The following HERC4 variants were observed in gnomAD, a reference collection of about 807,000 sequenced individuals.
The protein encoded by HERC4 is HECT and RLD domain containing E3 ubiquitin protein ligase 4.
A neutral mutation model predicts 124.3 loss-of-function variants in HERC4; 28 were observed. That is an observed-to-expected ratio of 0.23 (90% CI 0.17 to 0.31). HERC4 has a LOEUF of 0.31. Among genes scored for constraint, HERC4 ranks in the 10% least tolerant of loss-of-function variants. The pLI is 1.00. For synonymous variants in HERC4, 407 were observed against 421.5 expected (o/e 0.97, Z 0.42); for missense variants, 713 against 1,229.3 (o/e 0.58, Z 6.28).
rs188822704 is a variant in HERC4, at chr10:68,017,073, G to A, written c.909-2887C>T. On this transcript the variant is annotated intron_variant, in intron 8 of 24. Transcript: ENST00000373700. Reference sequence around the variant, plus strand: ...TATATTCCCCATACCTTAACTTTAGGTTTGGCCATATAGTTTGCTTTTGGT... The same window carrying A: ...TATATTCCCCATACCTTAACTTTAGATTTGGCCATATAGTTTGCTTTTGGT... Among the ~76,000 whole-genome samples the A allele has an allele frequency of 3.6e-4, 54 of 152,060 alleles. 1 individual carries two copies. The highest frequency in any genetic ancestry group is 1.3e-3 in the African/African-American group (53 of 41,470).
intron 19 of HERC4, among the ~76,000 whole-genome samples, chr10:67,941,429 C>T (rs1365972637): frequency 1.3e-5 from 2 of 151,936 alleles, no homozygotes. Context: ...ATTACTATAA[C>T]TTTTTTTCTG....
rs2030408840 is a variant in HERC4, at chr10:67,923,147, G to C, written c.2942-8C>G. ...CACTACCTGTCAAAAATACTGCCAAGAAAGAAATCATTCAGTCAACCACTT... is the reference window on the plus strand; with the variant it reads ...CACTACCTGTCAAAAATACTGCCAACAAAGAAATCATTCAGTCAACCACTT... On this transcript the variant is annotated splice_polypyrimidine_tract_variant and splice_region_variant and intron_variant, in intron 24 of 24. Coordinates refer to ENST00000373700, the MANE Select transcript of HERC4 (RefSeq NM_015601.4). 6.2e-7 allele frequency: 1 copy of C among 1,606,838 alleles called. No individual in the cohort carries two copies.
At chr10:68,056,364 C>G (rs1259208668) in intron 3 of HERC4, among the ~76,000 whole-genome samples, 1 of 152,164 alleles carries the variant, frequency 6.6e-6, no homozygotes, top group Non-Finnish European at 1.5e-5. Context: ...TTCAACAACC[C>G]TGCCCTGAGT....
chr10:67,959,073 T>A, intron 16 of HERC4: 8 of 1,553,962 alleles, frequency 5.1e-6, no homozygotes, highest in Non-Finnish European at 7.0e-6. Flanking sequence ...AAATGGAGTA[T>A]ATTTTACTCT....
chr10:67,997,020 T>G (rs1160955435), intron 9 of HERC4, among the ~76,000 whole-genome samples: 3 of 151,834 alleles, frequency 2.0e-5, no homozygotes, highest in Non-Finnish European at 4.4e-5. Context: ...AAAATCATTA[T>G]GACTTCAAGA....
chr10:68,074,227 A>C (rs1024460036), intron 1 of HERC4: 1 of 152,232 alleles, frequency 6.6e-6, no homozygotes, highest in Non-Finnish European at 1.5e-5. Flanking sequence ...ACATCGCGTT[A>C]CTAAATATCA....
intron 9 of HERC4, among the ~76,000 whole-genome samples, chr10:68,007,159 CTT>C (rs1017147894): frequency 4.6e-5 from 7 of 152,012 alleles, no homozygotes; most frequent in Admixed American, 2.0e-4. Context: ...GTATTTCACT[CTT>C]TTTTCTTTTG....
At chr10:68,000,901 G>T (rs1023597143) in intron 9 of HERC4, among the ~76,000 whole-genome samples, 1 of 152,200 alleles carries the variant, frequency 6.6e-6, no homozygotes, top group South Asian at 2.1e-4. Flanking sequence ...GCAGAATAGT[G>T]AGCCAATAAA....
intron 3 of HERC4, among the ~76,000 whole-genome samples, chr10:68,049,277 T>C (rs2040166249): frequency 6.6e-6 from 1 of 151,968 alleles, no homozygotes; most frequent in Admixed American, 6.6e-5. Context: ...AAAAATAAGA[T>C]GTGGAATAGT....
chr10:68,055,289 A>G (rs2040496000), intron 3 of HERC4, among the ~76,000 whole-genome samples: 1 of 152,238 alleles, frequency 6.6e-6, no homozygotes, highest in Admixed American at 6.5e-5. Flanking sequence ...AATAATTACC[A>G]GTAGCAATTT....
intron 3 of HERC4, among the ~76,000 whole-genome samples, chr10:68,048,622 T>TA (rs927017497): frequency 2.0e-5 from 3 of 152,186 alleles, no homozygotes; most frequent in Non-Finnish European, 4.4e-5. Context: ...ATTTAATGTG[T>TA]AACACTAAAA....
chr10:67,935,863 T>C (rs917594232), intron 22 of HERC4, among the ~76,000 whole-genome samples: 1 of 152,222 alleles, frequency 6.6e-6, no homozygotes, highest in African/African-American at 2.4e-5. Context: ...TCCAGCTGGC[T>C]TCGTGACTCC....
At chr10:68,013,181 A>C (rs981316908) in intron 9 of HERC4, among the ~76,000 whole-genome samples, 15 of 152,228 alleles carry the variant, frequency 9.9e-5, no homozygotes, top group African/African-American at 3.1e-4. Flanking sequence ...ATATTTATAA[A>C]CTAACATATA....
At chr10:68,030,468 A>G (rs1036168091) in intron 7 of HERC4, among the ~76,000 whole-genome samples, 1 of 152,130 alleles carries the variant, frequency 6.6e-6, no homozygotes, top group Admixed American at 6.6e-5. Context: ...AAACAAATAT[A>G]CATGGCATAT....
intron 19 of HERC4, among the ~76,000 whole-genome samples, chr10:67,945,952 C>T (rs2033292200): frequency 6.6e-6 from 1 of 151,874 alleles, no homozygotes; most frequent in African/African-American, 2.4e-5. Flanking sequence ...CAAAAAACAA[C>T]CAGAACACAT....
Position 67,991,904 on chromosome 10 carries a change from TA to T in HERC4, c.1271+294del, listed in dbSNP as rs199563062. Among the ~76,000 whole-genome samples, 185 of 152,162 alleles carry T rather than the reference TA, an allele frequency of 1.2e-3. 1 individual carries two copies. In the East Asian group the frequency reaches 0.031, roughly 25 times the overall value. ...TAAGATCTTTAAAAATATCCATGGA[TA>T]TTTTTTTTTGGAGACAAGTTCTCAC... On this transcript the variant is annotated intron_variant, in intron 11 of 24. Transcript: ENST00000373700.
intron 3 of HERC4, among the ~76,000 whole-genome samples, chr10:68,050,068 C>G (rs1198616898): frequency 6.6e-6 from 1 of 152,014 alleles, no homozygotes; most frequent in Admixed American, 6.6e-5. Flanking sequence ...CCATGCACAC[C>G]TATAATCCCA....
At chr10:67,946,225 G>A (rs1326110544) in intron 19 of HERC4, among the ~76,000 whole-genome samples, 1 of 151,352 alleles carries the variant, frequency 6.6e-6, no homozygotes, top group Non-Finnish European at 1.5e-5. Flanking sequence ...TCTAGCCTGG[G>A]TGACAGAGCA....
chr10:68,035,950 G>T (rs776765538), intron 5 of HERC4, among the ~76,000 whole-genome samples: 1 of 152,032 alleles, frequency 6.6e-6, no homozygotes, highest in Non-Finnish European at 1.5e-5. Context: ...ACTATATCAC[G>T]AAGGCTAGTA....
Sources: allele counts gnomAD v4.1 joint callset (sites outside exome capture counted in the v4.1 genomes callset), GRCh38; gene constraint gnomAD v4.1.1; transcripts MANE v1.5; gene names NCBI Gene and HGNC (gene_info 2026-07-23, HGNC 2026-07-21).